SORCS2: variants seen among roughly 807,000 people sequenced by gnomAD.
SORCS2 encodes sortilin related VPS10 domain containing receptor 2.
Under a neutral mutation model 141.6 loss-of-function variants are expected in SORCS2, and 100 were observed. The observed-to-expected ratio is 0.71, with a 90% confidence interval of 0.60 to 0.83. The LOEUF (loss-of-function observed/expected upper bound fraction) is 0.83. Ranked by LOEUF, SORCS2 falls within the 40% of genes least tolerant of loss-of-function variation. The probability of loss-of-function intolerance (pLI) is 0.00; values close to 1 mark genes in which losing one functional copy is unlikely to be tolerated. For synonymous variants in SORCS2, 789 were observed against 676.9 expected (o/e 1.17, Z -2.57); for missense variants, 1,646 against 1,560.2 (o/e 1.05, Z -0.93).
At chr4:7,431,349 C>G (rs1256788734) in intron 2 of SORCS2, 1 of 152,356 alleles carries the variant, frequency 6.6e-6, no homozygotes, top group African/African-American at 2.4e-5. Context: ...AGCTGGGCCA[C>G]CTGGCAGGTG....
At chr4:7,662,002 G>A (rs1722205388) in intron 6 of SORCS2, among the ~76,000 whole-genome samples, 1 of 152,148 alleles carries the variant, frequency 6.6e-6, no homozygotes, top group Non-Finnish European at 1.5e-5. Flanking sequence ...CCTCTGTGCA[G>A]GATCACCTGA....
Position 7,465,054 on chromosome 4 carries a change from C to G in SORCS2, c.549-66476C>G, listed in dbSNP as rs188903888. 8.3e-4 allele frequency among the ~76,000 whole-genome samples: 126 copies of G among 152,352 alleles called. 1 individual carries two copies. Among genetic ancestry groups the G allele is most frequent in the African/African-American group, 2.9e-3 (119 of 41,584 alleles). ...CTAGAAAATGAGGATGACAAAGCAC[C>G]CCCCTTGCAGGGTTTTTGTGGTGAA... is the stretch of plus-strand genomic sequence containing the variant. On this transcript the variant is annotated intron_variant, in intron 2 of 26. Transcript: ENST00000507866.
At chr4:7,722,797 G>C (rs1388538288) in intron 18 of SORCS2, among the ~76,000 whole-genome samples, 1 of 152,228 alleles carries the variant, frequency 6.6e-6, no homozygotes, top group Non-Finnish European at 1.5e-5. Flanking sequence ...AAAGTTAAGT[G>C]AACAGAATTT....
intron 1 of SORCS2, among the ~76,000 whole-genome samples, chr4:7,304,496 G>A (rs2336111): frequency 0.55 from 83,722 of 152,102 alleles, 23,605 homozygotes; most frequent in South Asian, 0.66. Context: ...CGTCCATCCA[G>A]TGTGTTTGTT....
chr4:7,681,807 C>T (rs1232804385), intron 9 of SORCS2, among the ~76,000 whole-genome samples: 1 of 152,208 alleles, frequency 6.6e-6, no homozygotes, highest in Non-Finnish European at 1.5e-5. Flanking sequence ...CCGTTACTAT[C>T]CTAGAGGGAA....
Position 7,596,824 on chromosome 4 carries a change from C to T in SORCS2, c.649-41504C>T, listed in dbSNP as rs562593167. Among the ~76,000 whole-genome samples, 137 of 152,214 alleles carry T rather than the reference C, an allele frequency of 9.0e-4. 1 individual carries two copies. The highest frequency in any genetic ancestry group is 3.1e-3 in the African/African-American group (128 of 41,536). ...TGGAGCCTAGGAGGGGCTTGGACTG[C>T]TCAGGCCACGCAGTGAGCAGGCAGA... On this transcript the variant is annotated intron_variant, in intron 3 of 26. Coordinates refer to ENST00000507866, the MANE Select transcript of SORCS2 (RefSeq NM_020777.3).
chr4:7,621,981 A>G (rs1297210261), intron 3 of SORCS2, among the ~76,000 whole-genome samples: 1 of 152,150 alleles, frequency 6.6e-6, no homozygotes, highest in Non-Finnish European at 1.5e-5. Flanking sequence ...TGAGTTATTA[A>G]TCAGTACTAT....
intron 1 of SORCS2, among the ~76,000 whole-genome samples, chr4:7,208,028 C>T (rs1727845139): frequency 6.6e-6 from 1 of 152,050 alleles, no homozygotes; most frequent in African/African-American, 2.4e-5. Flanking sequence ...TCCCAGGATC[C>T]CACCTCCCCC....
intron 19 of SORCS2, among the ~76,000 whole-genome samples, chr4:7,724,169 GTGATGGTGATAGCAGTAC>G (rs1726836447): frequency 1.4e-5 from 2 of 147,470 alleles, no homozygotes; most frequent in African/African-American, 2.6e-5. Context: ...GGTGATGGTG[GTGATGGTGATAGCAGTAC>G]TGGTGGTGGT....
intron 3 of SORCS2, among the ~76,000 whole-genome samples, chr4:7,558,929 C>T (rs553008558): frequency 6.6e-6 from 1 of 152,242 alleles, no homozygotes; most frequent in Non-Finnish European, 1.5e-5. Context: ...CTTTTCTGTC[C>T]TCCTGTGCCC....
intron 1 of SORCS2, among the ~76,000 whole-genome samples, chr4:7,366,126 C>A (rs1378367142): frequency 6.6e-6 from 1 of 152,146 alleles, no homozygotes; most frequent in Admixed American, 6.5e-5. Flanking sequence ...GCACAGGCTC[C>A]CCGCACATCC....
intron 7 of SORCS2, among the ~76,000 whole-genome samples, chr4:7,665,063 G>T (rs1017891309): frequency 7.9e-5 from 12 of 152,182 alleles, no homozygotes; most frequent in Non-Finnish European, 1.3e-4. Context: ...GACAGAGTCT[G>T]CGTCATCGGA....
At chr4:7,680,069 C>T (rs2108962242) in intron 9 of SORCS2, among the ~76,000 whole-genome samples, 1 of 152,318 alleles carries the variant, frequency 6.6e-6, no homozygotes, top group Non-Finnish European at 1.5e-5. Context: ...TCCCTGGGTC[C>T]CCATCCTGCC....
chr4:7,457,438 A>G (rs1003331309), intron 2 of SORCS2, among the ~76,000 whole-genome samples: 1 of 151,432 alleles, frequency 6.6e-6, no homozygotes, highest in Non-Finnish European at 1.5e-5. Flanking sequence ...AGCTGCAGCC[A>G]GAGGGCCTGG....
chr4:7,548,313 G>A (rs1713426331), intron 3 of SORCS2, among the ~76,000 whole-genome samples: 1 of 152,156 alleles, frequency 6.6e-6, no homozygotes, highest in Non-Finnish European at 1.5e-5. Flanking sequence ...TGGCCTCGTG[G>A]GCAGTGAGTC....
chr4:7,439,438 CTT>C (rs1727514942), intron 2 of SORCS2, among the ~76,000 whole-genome samples: 1 of 152,200 alleles, frequency 6.6e-6, no homozygotes, highest in Non-Finnish European at 1.5e-5. Flanking sequence ...AGAGCTCTCT[CTT>C]GCTACACATT....
rs1727466704 is a variant in SORCS2 at position 7,201,192 on chromosome 4, T to G, written c.480+8066T>G. On this transcript the variant is annotated intron_variant, in intron 1 of 26. Transcript: ENST00000507866. The surrounding 1 kb of genome is among the most constrained non-coding windows in gnomAD (Gnocchi z 4.4). Reference sequence around the variant, plus strand: ...TAGAGTCCCGGGCTGAGGAGGAGGTTGGAATGGTGAGAATATTAAGGCTGA... The same window carrying G: ...TAGAGTCCCGGGCTGAGGAGGAGGTGGGAATGGTGAGAATATTAAGGCTGA... 6.6e-6 allele frequency among the ~76,000 whole-genome samples: 1 copy of G among 151,914 alleles called. No individual in the cohort carries two copies.
At chr4:7,539,399 C>T (rs930289983) in intron 3 of SORCS2, among the ~76,000 whole-genome samples, 2 of 152,228 alleles carry the variant, frequency 1.3e-5, no homozygotes, top group Non-Finnish European at 2.9e-5. Context: ...CCAGGCTCCT[C>T]TTGAGGCTGT....
Position 7,454,466 on chromosome 4 carries a change from G to A in SORCS2, c.548+58111G>A, listed in dbSNP as rs376814461. Among the ~76,000 whole-genome samples the A allele has an allele frequency of 1.9e-4, 27 of 138,596 alleles. 3 individuals are homozygous for A. In the South Asian group the frequency reaches 6.1e-3, roughly 31 times the overall value. The allele number at this position is 138,596 out of a possible 152,430, so 90.9% of individuals were successfully genotyped here. On this transcript the variant is annotated intron_variant, in intron 2 of 26. Transcript: ENST00000507866. ...GCTCCGTGTTAGTGTAATGCGCCACGTTAGGGTCAGGCAGTGTGTTGGGGT... is the reference window on the plus strand; with the variant it reads ...GCTCCGTGTTAGTGTAATGCGCCACATTAGGGTCAGGCAGTGTGTTGGGGT...
Sources: gnomAD v4.1 joint callset for allele counts (sites outside exome capture counted in the v4.1 genomes callset) on GRCh38, gnomAD v4.1.1 for gene constraint, Gnocchi (gnomAD v3.1) non-coding constraint, MANE v1.5 for transcripts, NCBI Gene and HGNC (gene_info 2026-07-23, HGNC 2026-07-21) for gene names.